Variants in KCTD5 observed in about 807,000 individuals in gnomAD.
The protein encoded by KCTD5 is BTB/POZ domain-containing protein KCTD5.
Under a neutral mutation model 27.9 loss-of-function variants are expected in KCTD5, and 12 were observed. That is an observed-to-expected ratio of 0.43 (90% CI 0.28 to 0.70). KCTD5 has a LOEUF of 0.70. Ranked by LOEUF, KCTD5 falls within the 30% of genes least tolerant of loss-of-function variation. The pLI, the probability that KCTD5 is intolerant of heterozygous loss-of-function variation, is 0.19. For missense variants in KCTD5, 226 were observed against 274.8 expected (o/e 0.82, Z 1.26); for synonymous variants, 147 against 121.4 (o/e 1.21, Z -1.39).
intron 1 of KCTD5, chr16:2,685,958 T>G (rs540239799): frequency 2.0e-5 from 3 of 151,926 alleles, no homozygotes; most frequent in African/African-American, 7.2e-5. Context: ...CACAGAAGCT[T>G]TGGGTGCCTG....
Position 2,707,309 on chromosome 16 carries a change from A to T in KCTD5, c.687A>T (p.Glu229Asp), listed in dbSNP as rs1038426313. The change falls in exon 6 of 6, where the codon GAA becomes GAT. Residue 229 changes from glutamate to aspartate, a missense_variant. By Grantham distance (45) the Glu-to-Asp change is conservative. This residue lies in a region of KCTD5 where 135 missense variants were observed against 207.0 expected (regional missense o/e 0.65). Transcript: ENST00000301738. ...TTGGTGTTTTTCAGATTTTGCAAGA[A>T]CGAGGCTCAAGGATGTGAGGGACAC... Reference protein sequence around the residue: ...EPSEKAKILQERGSRM With the variant: ...EPSEKAKILQDRGSRM The T allele has an allele frequency of 1.5e-5, 25 of 1,613,976 alleles. No individual in the cohort carries two copies. The highest frequency in any genetic ancestry group is 1.9e-5 in the Non-Finnish European group (23 of 1,179,876).
In KCTD5 at chr16:2,682,578, G is replaced by A. The variant is rs759946209; in HGVS notation, c.30G>A (p.Ser10=). 2 of 1,414,382 alleles carry A rather than the reference G, an allele frequency of 1.4e-6. 1 individual carries two copies. The highest frequency in any genetic ancestry group is 3.6e-5 in the South Asian group (2 of 55,026). 87.6% of individuals were successfully genotyped at this position (1,414,382 alleles called of 1,614,324 possible). A position where few individuals can be genotyped will look rare whatever the true frequency, so the allele number is the denominator to read the frequency against. The change falls in exon 1 of 6, where the codon TCG becomes TCA. Residue 10 remains serine, a synonymous_variant. Coordinates refer to ENST00000301738, the MANE Select transcript of KCTD5 (RefSeq NM_018992.4). MAENHCELL[S]PARGGIGAGL... ...CGGAGAATCACTGCGAGCTCCTGTC[G>A]CCGGCCCGGGGCGGCATCGGGGCGG... is the stretch of plus-strand genomic sequence containing the variant.
At chr16:2,682,866 C>G (rs1034971202) in intron 1 of KCTD5, 66 bp downstream of exon 1, 42 of 1,494,254 alleles carry the variant, frequency 2.8e-5, no homozygotes, top group Non-Finnish European at 3.5e-5. Context: ...TGCACACGCC[C>G]TGCTTCGTGC....
At chr16:2,686,006 G>A (rs904151158) in intron 1 of KCTD5, 5 of 149,610 alleles carry the variant, frequency 3.3e-5, no homozygotes, top group African/African-American at 1.2e-4. Context: ...CATCCTATCT[G>A]GTAGGGAGGG....
chr16:2,699,675 G>C, intron 3 of KCTD5, 146 bp from the exon 4 acceptor site: 2 of 637,696 alleles, frequency 3.1e-6, no homozygotes, highest in Non-Finnish European at 5.6e-6. Context: ...TGCTTTTGTG[G>C]ATGTGCTCAG....
chr16:2,692,941 T>G (rs2067573016), intron 1 of KCTD5, among the ~76,000 whole-genome samples: 1 of 152,270 alleles, frequency 6.6e-6, no homozygotes, highest in Non-Finnish European at 1.5e-5. Context: ...GCAGCTGCAG[T>G]TGTGGGCCTG....
At chr16:2,688,232 T>C (rs112466274) in intron 1 of KCTD5, among the ~76,000 whole-genome samples, 2 of 119,236 alleles carry the variant, frequency 1.7e-5, no homozygotes, top group Non-Finnish European at 3.4e-5. Flanking sequence ...TAAATAAATA[T>C]ATATATATAT....
Position 2,707,324 on chromosome 16 carries a change from G to A in KCTD5, c.702G>A (p.Met234Ile), listed in dbSNP as rs527327129. The part of the protein sequence containing the change: ...AKILQERGSR[M>I] The stretch of plus-strand genomic sequence containing the variant: ...TTTTGCAAGAACGAGGCTCAAGGAT[G>A]TGAGGGACACAGTATTGACAGCTGA... Residue 234 changes from methionine to isoleucine, a missense_variant, in exon 6 of 6, where the codon ATG (methionine) becomes ATA (isoleucine). This residue lies in a region of KCTD5 where 135 missense variants were observed against 207.0 expected (regional missense o/e 0.65). Coordinates refer to ENST00000301738, the MANE Select transcript of KCTD5 (RefSeq NM_018992.4). 5 of 1,613,970 alleles carry A rather than the reference G, an allele frequency of 3.1e-6. No homozygotes were observed. The African/African-American group carries it at 5.3e-5, about 17-fold the overall frequency.
rs905001190 is a variant in KCTD5, at chr16:2,707,811, C to T, written c.*484C>T. On this transcript the variant is annotated 3_prime_UTR_variant, in exon 6 of 6. Coordinates refer to ENST00000301738, the MANE Select transcript of KCTD5 (RefSeq NM_018992.4). The stretch of plus-strand genomic sequence containing the variant: ...GTCTGCTCTGCCTCCCAGGCGGGAT[C>T]GCTGGTTTCTCTCGACCTCGCAGAG... 8 of 251,444 alleles carry T rather than the reference C, an allele frequency of 3.2e-5. No homozygotes were observed. Among genetic ancestry groups the T allele is most frequent in the African/African-American group, 1.6e-4 (7 of 45,056 alleles). 15.6% of individuals were successfully genotyped at this position (251,444 alleles called of 1,614,324 possible). A position where few individuals can be genotyped will look rare whatever the true frequency, so the allele number is the denominator to read the frequency against.
rs751088648 is a variant in KCTD5, at chr16:2,699,925, C to T, written c.549+9C>T. On this transcript the variant is annotated intron_variant, in intron 4 of 5. Coordinates refer to ENST00000301738, the MANE Select transcript of KCTD5 (RefSeq NM_018992.4). ...GCTGGAAGTTCGAGCAGGTGAGGGGCCCTGGCCAGCCTGGTGGCAGCCATG... is the reference window on the plus strand; with the variant it reads ...GCTGGAAGTTCGAGCAGGTGAGGGGTCCTGGCCAGCCTGGTGGCAGCCATG... The T allele has an allele frequency of 7.4e-6, 12 of 1,612,138 alleles. No homozygotes were observed. Among genetic ancestry groups the T allele is most frequent in the Admixed American group, 1.7e-5 (1 of 60,000 alleles).
chr16:2,693,739 T>A (rs1032252639), intron 1 of KCTD5, among the ~76,000 whole-genome samples: 1 of 152,238 alleles, frequency 6.6e-6, no homozygotes, highest in African/African-American at 2.4e-5. Context: ...GTGGGTTGTC[T>A]TGGCCTAGAG....
At chr16:2,702,711 C>G (rs962899932) in intron 5 of KCTD5, among the ~76,000 whole-genome samples, 4 of 152,166 alleles carry the variant, frequency 2.6e-5, no homozygotes, top group Admixed American at 1.3e-4. Flanking sequence ...GGAAGGGGCC[C>G]CAGGCCTGCT....
At chr16:2,696,269 G>A (rs1451811989) in intron 2 of KCTD5, among the ~76,000 whole-genome samples, 2 of 151,980 alleles carry the variant, frequency 1.3e-5, no homozygotes, top group Admixed American at 1.3e-4. Context: ...GTCCTCCCTG[G>A]CTGCAGCTCC....
intron 3 of KCTD5, among the ~76,000 whole-genome samples, chr16:2,699,477 G>A (rs1021981110): frequency 2.6e-5 from 4 of 152,234 alleles, no homozygotes; most frequent in Admixed American, 6.5e-5. Context: ...TTTCCCGACC[G>A]ATGAATTCAG....
rs142887391 is a variant in KCTD5 at position 2,697,494 on chromosome 16, G to A, written c.362-412G>A. ...ACCCCACCCAGTGGCGTGGCCATGA[G>A]CAGGTTCCCAGCAGGAAGCGTCGGC... On this transcript the variant is annotated intron_variant, in intron 2 of 5. Coordinates refer to ENST00000301738, the MANE Select transcript of KCTD5 (RefSeq NM_018992.4). Among the ~76,000 whole-genome samples, 780 of 152,388 alleles carry A rather than the reference G, an allele frequency of 5.1e-3. 5 individuals are homozygous for A. Among genetic ancestry groups the A allele is most frequent in the Non-Finnish European group, 7.1e-3 (481 of 68,038 alleles).
intron 3 of KCTD5, 129 bp downstream of exon 3, chr16:2,698,126 T>G (rs2067594638): frequency 1.5e-6 from 1 of 647,918 alleles, no homozygotes. Flanking sequence ...GAGACCCTTG[T>G]CCTCTGTCAC....
intron 1 of KCTD5, among the ~76,000 whole-genome samples, chr16:2,691,582 G>A (rs867942304): frequency 6.6e-6 from 1 of 152,224 alleles, no homozygotes; most frequent in Non-Finnish European, 1.5e-5. Flanking sequence ...CCCAGAGGTC[G>A]TGGGGCTCAG....
chr16:2,697,699 C>T (rs2067592490), intron 2 of KCTD5, among the ~76,000 whole-genome samples: 2 of 152,368 alleles, frequency 1.3e-5, no homozygotes, highest in African/African-American at 2.4e-5. Flanking sequence ...GCCCTCTCAC[C>T]ACGGCCCCTC....
At chr16:2,702,069 G>A (rs1005211998) in intron 4 of KCTD5, among the ~76,000 whole-genome samples, 6 of 152,270 alleles carry the variant, frequency 3.9e-5, no homozygotes, top group Admixed American at 2.6e-4. Flanking sequence ...TCTGTGCTCC[G>A]TCCCCCTGGG....
Sources: allele counts gnomAD v4.1 joint callset (sites outside exome capture counted in the v4.1 genomes callset), GRCh38; gene constraint gnomAD v4.1.1; regional missense constraint gnomAD v4.1.1; transcripts MANE v1.5; gene names NCBI Gene and HGNC (gene_info 2026-07-23, HGNC 2026-07-21).